Variants in ANKRD45 observed in about 807,000 individuals in gnomAD.
The protein encoded by ANKRD45 is ankyrin repeat domain-containing protein 45.
ANKRD45 carries 21 observed loss-of-function variants against 28.1 expected under a neutral mutation model. The ratio of observed to expected loss-of-function variants is 0.75; its 90% CI spans 0.53 to 1.08. The LOEUF is 1.08. Ranked by LOEUF, ANKRD45 falls within the 50% of genes least tolerant of loss-of-function variation. The pLI is 0.00. For missense variants in ANKRD45, 261 were observed against 308.7 expected (o/e 0.85, Z 1.16); for synonymous variants, 86 against 103.9 (o/e 0.83, Z 1.05).
At chr1:173,669,575 G>A (rs1384261375) in intron 1 of ANKRD45, 12 of 435,664 alleles carry the variant, frequency 2.8e-5, no homozygotes, top group South Asian at 1.5e-4. Flanking sequence ...ACACTTCAGG[G>A]CACCAGAGTT....
At chr1:173,636,921 C>A (rs1248792731) in intron 3 of ANKRD45, 1 of 1,535,824 alleles carries the variant, frequency 6.5e-7, no homozygotes, top group Non-Finnish European at 8.7e-7. Flanking sequence ...GTGGCAACCA[C>A]AGCATCAGTG....
In ANKRD45 at chr1:173,659,228, T is replaced by C. The variant is rs755454991; in HGVS notation, c.191A>G (p.Glu64Gly). Residue 64 changes from glutamate (E) to glycine (G), a missense_variant, in exon 2 of 6, where the codon GAA (glutamate) becomes GGA (glycine). Physicochemically the swap from Glu to Gly is moderately conservative, Grantham distance 98. Transcript: ENST00000333279. ...TTCTAAGAGAAGCTGCATGGCCTGT[T>C]CATGATGAGGATTCTCAGGATCCTC... is the stretch of plus-strand genomic sequence containing the variant. The part of the protein sequence containing the change: ...IFEDPENPHH[E>G]QAMQLLLEED... 1 of 1,614,082 alleles carries C rather than the reference T, an allele frequency of 6.2e-7. No homozygotes were observed.
the ANKRD45 span, among the ~76,000 whole-genome samples, chr1:173,681,342 T>C: frequency 6.6e-6 from 1 of 152,340 alleles, no homozygotes; most frequent in Middle Eastern, 3.4e-3. Flanking sequence ...CTAATATTAC[T>C]TTATGAATAA....
chr1:173,626,402 C>T (rs1197272485), intron 4 of ANKRD45, among the ~76,000 whole-genome samples: 1 of 152,110 alleles, frequency 6.6e-6, no homozygotes, highest in Non-Finnish European at 1.5e-5. Context: ...ACTGTGTTTA[C>T]AGCTGTGTAT....
chr1:173,635,912 T>G (rs896200273), intron 3 of ANKRD45: 2 of 1,195,752 alleles, frequency 1.7e-6, no homozygotes, highest in Non-Finnish European at 2.3e-6. Flanking sequence ...ATATTACTAG[T>G]TTCTTTGAGA....
the ANKRD45 span, among the ~76,000 whole-genome samples, chr1:173,701,732 T>C: frequency 1.3e-5 from 2 of 152,124 alleles, no homozygotes; most frequent in Admixed American, 1.3e-4. Flanking sequence ...GACAAGTTAA[T>C]GGGTGCAGCA....
chr1:173,611,163 C>G (rs1667130811), intron 5 of ANKRD45, among the ~76,000 whole-genome samples: 1 of 152,182 alleles, frequency 6.6e-6, no homozygotes, highest in African/African-American at 2.4e-5. Context: ...CTTCCTTATT[C>G]CCCACATTTC....
chr1:173,627,303 A>G, intron 3 of ANKRD45, 144 bp from the exon 4 acceptor site: 1 of 619,060 alleles, frequency 1.6e-6, no homozygotes, highest in Non-Finnish European at 2.9e-6. Context: ...CACCAACATG[A>G]GAACCAAAAA....
intron 1 of ANKRD45, among the ~76,000 whole-genome samples, chr1:173,666,703 T>C (rs943648283): frequency 6.6e-6 from 1 of 152,198 alleles, no homozygotes; most frequent in African/African-American, 2.4e-5. Context: ...GAGGACTATA[T>C]ATATTGTATT....
chr1:173,688,152 C>A, the ANKRD45 span, among the ~76,000 whole-genome samples: 1 of 152,100 alleles, frequency 6.6e-6, no homozygotes, highest in South Asian at 2.1e-4. Context: ...TCGGGCTATG[C>A]CCTTGTTTAC....
At chr1:173,704,539 T>C in the ANKRD45 span, among the ~76,000 whole-genome samples, 1 of 152,226 alleles carries the variant, frequency 6.6e-6, no homozygotes, top group Non-Finnish European at 1.5e-5. Flanking sequence ...ATTTCCCCCA[T>C]ACATCTCAAA....
chr1:173,619,062 A>C (rs544729464), intron 5 of ANKRD45, among the ~76,000 whole-genome samples: 18 of 152,270 alleles, frequency 1.2e-4, no homozygotes, highest in Non-Finnish European at 2.1e-4. Flanking sequence ...AGGAGAAATA[A>C]GATCCTTTTC....
Position 173,636,986 on chromosome 1 carries a change from C to T in ANKRD45, c.497-9827G>A, listed in dbSNP as rs910037824. The T allele has an allele frequency of 1.9e-5, 29 of 1,535,264 alleles. No individual in the cohort carries two copies. The African/African-American group carries it at 4.0e-4, about 21-fold the overall frequency. On this transcript the variant is annotated intron_variant, in intron 3 of 5. Coordinates refer to ENST00000333279, the MANE Select transcript of ANKRD45 (RefSeq NM_198493.3). ...CCATCCTTCCTCTAAGAAAATTAAG[C>T]ACTGCAAATTAAAGAAGAAGAGTAA...
the ANKRD45 span, among the ~76,000 whole-genome samples, chr1:173,677,450 A>T: frequency 6.6e-6 from 1 of 152,292 alleles, no homozygotes; most frequent in African/African-American, 2.4e-5. Flanking sequence ...ATTGATATTA[A>T]TGGTTAATTT....
the ANKRD45 span, among the ~76,000 whole-genome samples, chr1:173,699,699 C>T: frequency 7.2e-5 from 11 of 152,102 alleles, no homozygotes; most frequent in Non-Finnish European, 1.2e-4. Context: ...TTATGACAAA[C>T]GCACAGCCAA....
At chr1:173,708,899 C>T in the ANKRD45 span, among the ~76,000 whole-genome samples, 19 of 152,358 alleles carry the variant, frequency 1.2e-4, no homozygotes, top group Admixed American at 3.9e-4. Flanking sequence ...TAGCTCCCAT[C>T]GTAGTGCTCT....
intron 2 of ANKRD45, chr1:173,657,747 G>A (rs1462771953): frequency 1.4e-5 from 2 of 143,290 alleles, no homozygotes; most frequent in Non-Finnish European, 3.0e-5. Context: ...TTAAGTGTGA[G>A]CCTCTGCACC....
At chr1:173,699,394 C>T in the ANKRD45 span, among the ~76,000 whole-genome samples, 6 of 152,084 alleles carry the variant, frequency 3.9e-5, no homozygotes, top group African/African-American at 1.4e-4. Flanking sequence ...GACCAATATC[C>T]CTGATGAACA....
chr1:173,610,815 A>C (rs146648197), intron 5 of ANKRD45, among the ~76,000 whole-genome samples: 192 of 152,292 alleles, frequency 1.3e-3, no homozygotes, highest in Non-Finnish European at 1.7e-3. Flanking sequence ...TAATTGAAAA[A>C]CAAATTAAGA....
Sources: gnomAD v4.1 joint callset for allele counts (sites outside exome capture counted in the v4.1 genomes callset) on GRCh38, gnomAD v4.1.1 for gene constraint, MANE v1.5 for transcripts, NCBI Gene and HGNC (gene_info 2026-07-23, HGNC 2026-07-21) for gene names.